HTT-AS: variants seen among roughly 807,000 people sequenced by gnomAD.
HTT-AS encodes the protein HTT antisense RNA (head to head).
intron 2 of HTT-AS, among the ~76,000 whole-genome samples, chr4:3,060,583 T>C (rs2857936): frequency 0.56 from 84,841 of 152,030 alleles, 24,102 homozygotes; most frequent in South Asian, 0.72. Flanking sequence ...TTCTTTTCAA[T>C]GAAAAGCAGC....
chr4:3,049,294 G>A (rs1711658128), exon 3 of HTT-AS, among the ~76,000 whole-genome samples: 1 of 152,086 alleles, frequency 6.6e-6, no homozygotes, highest in Admixed American at 6.6e-5. Flanking sequence ...TGTGGTGGCA[G>A]GCACCTGTAA....
chr4:3,063,028 TG>T (rs995285555), exon 2 of HTT-AS, among the ~76,000 whole-genome samples: 6 of 152,080 alleles, frequency 3.9e-5, no homozygotes, highest in Non-Finnish European at 1.5e-5. Flanking sequence ...GGGTCCTCCC[TG>T]GGGTTGGAGC....
intron 2 of HTT-AS, among the ~76,000 whole-genome samples, chr4:3,051,551 A>G (rs747519055): frequency 1.4e-4 from 22 of 152,024 alleles, no homozygotes; most frequent in Non-Finnish European, 3.1e-4. Context: ...TACTCAGGGA[A>G]AGGGAATCCA....
chr4:3,060,400 C>A (rs1711902061), intron 2 of HTT-AS, among the ~76,000 whole-genome samples: 1 of 152,268 alleles, frequency 6.6e-6, no homozygotes, highest in African/African-American at 2.4e-5. Flanking sequence ...GCTCCTCATA[C>A]TCCTGGGCTC....
chr4:3,058,718 T>A (rs1396722602), intron 2 of HTT-AS, among the ~76,000 whole-genome samples: 2 of 121,192 alleles, frequency 1.7e-5, no homozygotes, highest in African/African-American at 2.8e-5. Flanking sequence ...CATTTTACAT[T>A]TCTTTTTTTT....
chr4:3,057,727 G>T (rs1418461407), intron 2 of HTT-AS, among the ~76,000 whole-genome samples: 1 of 151,852 alleles, frequency 6.6e-6, no homozygotes. Context: ...TCCGCCTCCC[G>T]GGTTCATGCC....
At chr4:3,071,695 G>C (rs1402465984) in intron 1 of HTT-AS, among the ~76,000 whole-genome samples, 5 of 152,170 alleles carry the variant, frequency 3.3e-5, no homozygotes, top group East Asian at 3.9e-4. Context: ...TTTGGAGACA[G>C]GTTCTTTAAG....
At chr4:3,062,140 A>T (rs1436028127) in intron 2 of HTT-AS, among the ~76,000 whole-genome samples, 1 of 151,924 alleles carries the variant, frequency 6.6e-6, no homozygotes, top group Admixed American at 6.6e-5. Flanking sequence ...TTCCTTTCAC[A>T]TACCTCAGCC....
chr4:3,066,863 T>C (rs1304270633), intron 1 of HTT-AS, among the ~76,000 whole-genome samples: 1 of 152,130 alleles, frequency 6.6e-6, no homozygotes, highest in African/African-American at 2.4e-5. Context: ...GCCTGATGGA[T>C]GGGAATTAGC....
intron 2 of HTT-AS, among the ~76,000 whole-genome samples, chr4:3,049,724 G>A (rs1560528055): frequency 6.6e-6 from 1 of 152,122 alleles, no homozygotes; most frequent in Non-Finnish European, 1.5e-5. Context: ...TTTGACCTCA[G>A]TGAACCATAG....
At chr4:3,071,530 C>A (rs1712173366) in intron 1 of HTT-AS, among the ~76,000 whole-genome samples, 1 of 152,166 alleles carries the variant, frequency 6.6e-6, no homozygotes, top group Admixed American at 6.6e-5. Flanking sequence ...GACTGTCATA[C>A]ACTAGCTAAG....
chr4:3,063,952 A>G (rs1209856020), intron 1 of HTT-AS, among the ~76,000 whole-genome samples: 3 of 152,014 alleles, frequency 2.0e-5, no homozygotes, highest in African/African-American at 7.3e-5. Context: ...AAATCCTGAG[A>G]ACTTCCTGGG....
At chr4:3,052,382 T>G (rs1358369514) in intron 2 of HTT-AS, among the ~76,000 whole-genome samples, 1 of 152,168 alleles carries the variant, frequency 6.6e-6, no homozygotes, top group Non-Finnish European at 1.5e-5. Flanking sequence ...TAATTAAAAG[T>G]AGATATTCTG....
At chr4:3,064,093 A>C (rs1044039637) in intron 1 of HTT-AS, among the ~76,000 whole-genome samples, 3 of 142,046 alleles carry the variant, frequency 2.1e-5, no homozygotes, top group African/African-American at 7.7e-5. Flanking sequence ...CACAAATAAT[A>C]AAGTTTTTTT....
At chr4:3,064,908 G>T (rs765969801) in intron 1 of HTT-AS, among the ~76,000 whole-genome samples, 1 of 152,104 alleles carries the variant, frequency 6.6e-6, no homozygotes, top group Non-Finnish European at 1.5e-5. Flanking sequence ...TTACCAGACA[G>T]AACCCAACAA....
At chr4:3,065,657 C>T (rs112861063) in intron 1 of HTT-AS, among the ~76,000 whole-genome samples, 4,062 of 152,248 alleles carry the variant, frequency 0.027, 155 homozygotes, top group African/African-American at 0.088. Context: ...TAGCTGAGCC[C>T]AGCCTGCCTT....
At chr4:3,066,218 G>T (rs1008879127) in intron 1 of HTT-AS, among the ~76,000 whole-genome samples, 1 of 152,078 alleles carries the variant, frequency 6.6e-6, no homozygotes, top group African/African-American at 2.4e-5. Context: ...TTGCCAGGCT[G>T]GAGTGCAATG....
intron 2 of HTT-AS, among the ~76,000 whole-genome samples, chr4:3,060,032 C>T (rs1447747121): frequency 1.3e-5 from 2 of 151,180 alleles, no homozygotes; most frequent in Non-Finnish European, 2.9e-5. Context: ...AGTGATTCTC[C>T]TGCGTCGGTC....
chr4:3,065,768 T>C (rs1471972493), intron 1 of HTT-AS, among the ~76,000 whole-genome samples: 5 of 152,258 alleles, frequency 3.3e-5, no homozygotes. Flanking sequence ...ACTGCGTGGC[T>C]GCCTGGGAGC....
Sources: allele counts gnomAD v4.1 joint callset (sites outside exome capture counted in the v4.1 genomes callset), GRCh38; gene constraint gnomAD v4.1.1; transcripts MANE v1.5; gene names NCBI Gene and HGNC (gene_info 2026-07-23, HGNC 2026-07-21).